The following DNAH11 variants were observed in gnomAD, a reference collection of about 807,000 sequenced individuals.
The protein encoded by DNAH11 is dynein axonemal heavy chain 11.
A neutral mutation model predicts 526.0 loss-of-function variants in DNAH11; 442 were observed. The observed-to-expected ratio is 0.84, with a 90% CI of 0.78 to 0.91. The LOEUF (loss-of-function observed/expected upper bound fraction) is 0.91, where lower values mean the gene tolerates loss of function less well. Ranked by LOEUF, DNAH11 falls within the 40% of genes least tolerant of loss-of-function variation. DNAH11 has a pLI of 0.00. For missense variants in DNAH11, 6,989 were observed against 5,448.7 expected, an observed-to-expected ratio of 1.28 and a Z score of -8.90; for synonymous variants, 2,461 against 1,935.9, an observed-to-expected ratio of 1.27 and a Z score of -7.12.
At chr7:21,552,272 C>T (rs993238291) in intron 2 of DNAH11, among the ~76,000 whole-genome samples, 3 of 152,142 alleles carry the variant, frequency 2.0e-5, no homozygotes, top group East Asian at 1.9e-4. Flanking sequence ...TGCAAGGGGT[C>T]GGGTTTCTCT....
intron 30 of DNAH11, among the ~76,000 whole-genome samples, chr7:21,681,278 T>C (rs919995208): frequency 6.6e-4 from 101 of 151,990 alleles, no homozygotes; most frequent in African/African-American, 2.3e-3. Context: ...AATATAAGAA[T>C]TAGCTGGGCG....
chr7:21,814,475 A>G (rs1789683536), intron 63 of DNAH11, among the ~76,000 whole-genome samples: 1 of 149,014 alleles, frequency 6.7e-6, no homozygotes, highest in African/African-American at 2.5e-5. Flanking sequence ...CTAACTCGTC[A>G]TCTAGCATTA....
chr7:21,696,419 C>T (rs541263148), intron 35 of DNAH11, among the ~76,000 whole-genome samples: 41 of 152,228 alleles, frequency 2.7e-4, no homozygotes, highest in Non-Finnish European at 3.7e-4. Context: ...GTTTTTCTTT[C>T]CTCATAACAG....
chr7:21,596,368 G>A (rs1356179584), intron 14 of DNAH11, among the ~76,000 whole-genome samples: 2 of 152,182 alleles, frequency 1.3e-5, no homozygotes, highest in Non-Finnish European at 2.9e-5. Flanking sequence ...AATCTCAGGG[G>A]TGTCCTGACG....
In DNAH11 at chr7:21,744,601, T is replaced by C. The variant is rs1786060855; in HGVS notation, c.8316+2T>C. 6.2e-7 allele frequency: 1 copy of C among 1,612,484 alleles called. No individual in the cohort carries two copies. Among genetic ancestry groups the C allele is most frequent in the African/African-American group, 1.3e-5 (1 of 74,770 alleles). On this transcript the variant is annotated splice_donor_variant, in intron 50 of 81. Transcript: ENST00000409508. LOFTEE classifies it high-confidence loss of function. The stretch of plus-strand genomic sequence containing the variant: ...GAAACTGCTTATAAATATTTTGAAG[T>C]AAGCGTATGAATGTCAGAGGTCACT...
intron 18 of DNAH11, among the ~76,000 whole-genome samples, chr7:21,605,993 T>C (rs1785264742): frequency 6.6e-6 from 1 of 152,172 alleles, no homozygotes; most frequent in African/African-American, 2.4e-5. Context: ...ACTCATTATA[T>C]AAGAATGAAG....
At chr7:21,653,856 AAGATT>A (rs1781893778) in intron 28 of DNAH11, among the ~76,000 whole-genome samples, 4 of 152,240 alleles carry the variant, frequency 2.6e-5, no homozygotes, top group Admixed American at 1.3e-4. Flanking sequence ...GAAAGCTTTA[AAGATT>A]AAATCACCCT....
intron 53 of DNAH11, 76 bp from the exon 54 acceptor site, chr7:21,750,146 T>C: frequency 6.8e-7 from 1 of 1,467,074 alleles, no homozygotes; most frequent in South Asian, 1.4e-5. Context: ...TGTAAAACAT[T>C]TCAAACGTTT....
At chr7:21,815,518 C>A (rs1429056544) in intron 63 of DNAH11, among the ~76,000 whole-genome samples, 2 of 152,120 alleles carry the variant, frequency 1.3e-5, no homozygotes, top group African/African-American at 4.8e-5. Flanking sequence ...AGCTCTGTGA[C>A]AAACCAATGA....
intron 63 of DNAH11, among the ~76,000 whole-genome samples, chr7:21,810,778 AAGCAGTGACT>A (rs1789482546): frequency 6.6e-6 from 1 of 152,122 alleles, no homozygotes; most frequent in South Asian, 2.1e-4. Flanking sequence ...GAGGAAAGTC[AAGCAGTGACT>A]AGCAGAAGAG....
chr7:21,627,739 C>T (rs1413491047), intron 25 of DNAH11, among the ~76,000 whole-genome samples: 2 of 152,064 alleles, frequency 1.3e-5, no homozygotes, highest in African/African-American at 4.8e-5. Flanking sequence ...TCTTTTTGCT[C>T]AGGATTGCTT....
intron 65 of DNAH11, among the ~76,000 whole-genome samples, chr7:21,826,405 A>T (rs1790301742): frequency 6.6e-6 from 1 of 152,326 alleles, no homozygotes; most frequent in South Asian, 2.1e-4. Flanking sequence ...ATGCAGTAAA[A>T]GTTGGGAGAA....
At chr7:21,820,379 A>C (rs1005172881) in intron 65 of DNAH11, among the ~76,000 whole-genome samples, 8 of 152,328 alleles carry the variant, frequency 5.3e-5, no homozygotes, top group Middle Eastern at 3.4e-3. Context: ...TCAGTTCCAT[A>C]GTGGAGACTT....
At chr7:21,674,857 G>GAA (rs573452588) in intron 30 of DNAH11, among the ~76,000 whole-genome samples, 3 of 146,846 alleles carry the variant, frequency 2.0e-5, no homozygotes, top group African/African-American at 7.5e-5. Flanking sequence ...CCCAACTGCA[G>GAA]AAAAAAAAAA....
intron 31 of DNAH11, 22 bp from the exon 32 acceptor site, chr7:21,683,762 G>A: frequency 6.4e-7 from 1 of 1,563,594 alleles, no homozygotes; most frequent in Non-Finnish European, 8.7e-7. Context: ...TCCTGCGTAT[G>A]ATGATTATGC....
At chr7:21,752,631 G>A (rs1786462538) in intron 54 of DNAH11, among the ~76,000 whole-genome samples, 1 of 152,100 alleles carries the variant, frequency 6.6e-6, no homozygotes, top group Admixed American at 6.5e-5. Context: ...TTCCTTAATG[G>A]ATCCTCAGAT....
chr7:21,773,960 G>A lies in DNAH11; in HGVS notation c.9297G>A (p.Leu3099=), dbSNP rs779667366. ...AGGTATCCGAGAAAAAAGAACGCCT[G>A]GTGAACGGCATCCAAAAGCTAAAAA... ...QNEVSEKKER[L]VNGIQKLKTT... Residue 3099 remains leucine (L), a synonymous_variant, in exon 56 of 82, where the codon CTG becomes CTA. Coordinates refer to ENST00000409508, the MANE Select transcript of DNAH11 (RefSeq NM_001277115.2). 2.5e-6 allele frequency: 4 copies of A among 1,579,294 alleles called. No individual in the cohort carries two copies. In the Admixed American group the frequency reaches 5.5e-5, roughly 22 times the overall value.
intron 45 of DNAH11, among the ~76,000 whole-genome samples, chr7:21,730,834 A>G (rs1785347871): frequency 6.6e-6 from 1 of 152,190 alleles, no homozygotes; most frequent in Non-Finnish European, 1.5e-5. Flanking sequence ...AATTGTAAGT[A>G]TTCTTCCCAT....
intron 30 of DNAH11, among the ~76,000 whole-genome samples, chr7:21,667,731 G>GA (rs1446582051): frequency 2.0e-5 from 3 of 152,080 alleles, no homozygotes; most frequent in Admixed American, 6.6e-5. Flanking sequence ...AAGGGATAGG[G>GA]AAAAAACATA....
Sources: gnomAD v4.1 joint callset for allele counts (sites outside exome capture counted in the v4.1 genomes callset) on GRCh38, gnomAD v4.1.1 for gene constraint, MANE v1.5 for transcripts, NCBI Gene and HGNC (gene_info 2026-07-23, HGNC 2026-07-21) for gene names.